Variants in PLA2G4E observed in about 807,000 individuals in gnomAD.
PLA2G4E encodes the protein cytosolic phospholipase A2 epsilon.
In PLA2G4E, 84 loss-of-function variants were observed where a neutral mutation model predicts 109.1. The observed-to-expected ratio is 0.77, with a 90% CI of 0.65 to 0.92. The LOEUF (loss-of-function observed/expected upper bound fraction) is 0.92. Among genes scored for constraint, PLA2G4E ranks in the 40% least tolerant of loss-of-function variants. The pLI is 0.00. For synonymous variants in PLA2G4E, 469 were observed against 436.1 expected (o/e 1.08, Z -0.94); for missense variants, 1,057 against 1,076.6 (o/e 0.98, Z 0.25).
intron 1 of PLA2G4E, among the ~76,000 whole-genome samples, chr15:42,035,413 T>C (rs1013563792): frequency 6.6e-6 from 1 of 152,228 alleles, no homozygotes; most frequent in Admixed American, 6.5e-5. Context: ...TGAAAAGCGT[T>C]GGTTATTGTC....
intron 1 of PLA2G4E, among the ~76,000 whole-genome samples, chr15:42,025,210 A>C (rs2068683069): frequency 6.6e-6 from 1 of 151,848 alleles, no homozygotes; most frequent in Non-Finnish European, 1.5e-5. Context: ...AAGAAAAAAA[A>C]AAAAAGGAAA....
At chr15:42,016,065 C>T (rs183247587) in intron 1 of PLA2G4E, among the ~76,000 whole-genome samples, 4 of 152,256 alleles carry the variant, frequency 2.6e-5, no homozygotes, top group East Asian at 1.9e-4. Context: ...CCGGCACCCT[C>T]GACATGCGAC....
chr15:42,012,020 A>G (rs565425606), intron 2 of PLA2G4E, among the ~76,000 whole-genome samples: 37 of 152,334 alleles, frequency 2.4e-4, no homozygotes, highest in African/African-American at 8.9e-4. Context: ...GCCACTTGGC[A>G]GACACAGACC....
intron 1 of PLA2G4E, among the ~76,000 whole-genome samples, chr15:42,028,255 G>A (rs4924604): frequency 0.54 from 81,581 of 152,018 alleles, 22,844 homozygotes; most frequent in East Asian, 0.7. Context: ...CTTGCTCAAG[G>A]TCACGATGGT....
chr15:42,032,026 G>A (rs1004665521), intron 1 of PLA2G4E, among the ~76,000 whole-genome samples: 1 of 152,108 alleles, frequency 6.6e-6, no homozygotes. Flanking sequence ...CTGAGTTCAT[G>A]CAAGATCTAG....
rs73395661 is a variant in PLA2G4E, at chr15:41,989,861, A to G, written c.1585+260T>C. 5.8e-3 allele frequency among the ~76,000 whole-genome samples: 890 copies of G among 152,310 alleles called. 13 individuals carry two copies. Among genetic ancestry groups the G allele is most frequent in the African/African-American group, 0.02 (851 of 41,568 alleles). ...CTCTCTCTCTGGGCAGCGTAGAAATATCTTCCTTTCACAACCTTTGTCTTC... is the reference window on the plus strand; with the variant it reads ...CTCTCTCTCTGGGCAGCGTAGAAATGTCTTCCTTTCACAACCTTTGTCTTC... On this transcript the variant is annotated intron_variant, in intron 14 of 19. Coordinates refer to ENST00000399518, the Ensembl canonical transcript of PLA2G4E.
exon 19 of PLA2G4E, chr15:41,984,470 G>A (rs1260773551): frequency 6.2e-7 from 1 of 1,613,754 alleles, no homozygotes; most frequent in South Asian, 1.1e-5. Context: ...TGTCATTGAT[G>A]AGTGGGAAGA....
chr15:42,037,252 T>C (rs7166079), intron 1 of PLA2G4E, among the ~76,000 whole-genome samples: 44,323 of 152,144 alleles, frequency 0.29, 6,920 homozygotes, highest in Admixed American at 0.36. Flanking sequence ...GCCAGTCCTG[T>C]AGATCAGAAT....
At chr15:42,002,784 T>A in intron 5 of PLA2G4E, 88 bp from the exon 6 acceptor site, 1 of 1,202,652 alleles carries the variant, frequency 8.3e-7, no homozygotes, top group Non-Finnish European at 1.2e-6. Context: ...ATAGGGTCAA[T>A]AACAAAATAT....
chr15:41,997,365 C>T (rs757788396), intron 10 of PLA2G4E, 106 bp from the exon 11 acceptor site: 271 of 1,296,482 alleles, frequency 2.1e-4, no homozygotes, highest in Middle Eastern at 2.5e-4. Context: ...CTTCTGCCAG[C>T]GACCACTTCT....
At chr15:41,989,574 G>C (rs1271815809) in intron 14 of PLA2G4E, 22 bp from the exon 15 acceptor site, 2 of 1,607,562 alleles carry the variant, frequency 1.2e-6, no homozygotes, top group Non-Finnish European at 1.7e-6. Context: ...GCAGCAGGAC[G>C]GGGGTCAGTC....
chr15:42,044,994 G>A (rs1176989257), intron 1 of PLA2G4E, among the ~76,000 whole-genome samples: 2 of 151,838 alleles, frequency 1.3e-5, no homozygotes, highest in Non-Finnish European at 2.9e-5. Context: ...TGATAGATTA[G>A]ATATGAGGGC....
intron 11 of PLA2G4E, among the ~76,000 whole-genome samples, chr15:41,996,379 A>AAAAAAAAG (rs2068341412): frequency 8.6e-6 from 1 of 116,816 alleles, no homozygotes. Context: ...AAAAAAAAAA[A>AAAAAAAAG]GGAGGGAGGA....
At position 41,999,217 on chromosome 15, in the gene PLA2G4E, T is replaced by A. The variant is rs1039409398; in HGVS notation, c.974+307A>T. 4 of 253,194 alleles carry A rather than the reference T, an allele frequency of 1.6e-5. No homozygotes were observed. In the Admixed American group the frequency reaches 2.0e-4, roughly 13 times the overall value. 15.7% of individuals were successfully genotyped at this position (253,194 alleles called of 1,614,324 possible). On this transcript the variant is annotated intron_variant, in intron 10 of 19. Transcript: ENST00000399518. Reference sequence around the variant, plus strand: ...GCTTCAAAGGACACCAACAAGAATGTGAAAAGATACGCCATAGAATAAGAG... The same window carrying A: ...GCTTCAAAGGACACCAACAAGAATGAGAAAAGATACGCCATAGAATAAGAG...
chr15:42,017,022 T>C (rs1015371114), intron 1 of PLA2G4E, among the ~76,000 whole-genome samples: 9 of 152,186 alleles, frequency 5.9e-5, no homozygotes, highest in Non-Finnish European at 1.0e-4. Flanking sequence ...CAGGGTCAAC[T>C]TTCACCAGGC....
chr15:42,010,142 C>CGCCCCCCG (rs1555387035), intron 2 of PLA2G4E: 4 of 459,748 alleles, frequency 8.7e-6, no homozygotes, highest in South Asian at 1.9e-5. Context: ...GCCCCCCCAC[C>CGCCCCCCG]CCGGGCCTGG....
In PLA2G4E at chr15:41,990,104, C is replaced by G. The variant is rs761885963; in HGVS notation, c.1585+17G>C. ...CCCCCTCCACCCCACTTGTAAATCA[C>G]CAGCCACTGGTGTTACCTCTGAAGT... is the stretch of plus-strand genomic sequence containing the variant. On this transcript the variant is annotated intron_variant, in intron 14 of 19. Transcript: ENST00000399518. 1 of 1,603,182 alleles carries G rather than the reference C, an allele frequency of 6.2e-7. No individual in the cohort carries two copies. Among genetic ancestry groups the G allele is most frequent in the South Asian group, 1.1e-5 (1 of 90,562 alleles).
At chr15:42,009,585 C>T (rs954841272) in intron 2 of PLA2G4E, among the ~76,000 whole-genome samples, 2 of 152,196 alleles carry the variant, frequency 1.3e-5, no homozygotes, top group African/African-American at 4.8e-5. Context: ...CTTCCCCAGC[C>T]TCAGTCTCAT....
exon 20 of PLA2G4E, chr15:41,983,967 C>G: frequency 6.2e-7 from 1 of 1,603,798 alleles, no homozygotes; most frequent in Non-Finnish European, 8.5e-7. Flanking sequence ...CAGGGCTTCG[C>G]TCTACACCTG....
Sources: allele counts gnomAD v4.1 joint callset (sites outside exome capture counted in the v4.1 genomes callset), GRCh38; gene constraint gnomAD v4.1.1; transcripts MANE v1.5; gene names NCBI Gene and HGNC (gene_info 2026-07-23, HGNC 2026-07-21).